DRC9: variants seen among roughly 807,000 people sequenced by gnomAD.
DRC9 encodes the protein dynein regulatory complex protein 9.
the DRC9 span, chr3:197,892,580 TA>T: frequency 6.2e-7 from 1 of 1,603,126 alleles, no homozygotes; most frequent in Admixed American, 1.7e-5. Context: ...GTGAGCACCC[TA>T]ATTCCTTTCA....
chr3:197,926,040 C>T, the DRC9 span: 6 of 1,583,352 alleles, frequency 3.8e-6, no homozygotes, highest in Non-Finnish European at 5.2e-6. Flanking sequence ...TTCAAATTGC[C>T]ATTCCTTTTT....
chr3:197,944,052 C>G, the DRC9 span: 1 of 1,608,322 alleles, frequency 6.2e-7, no homozygotes, highest in East Asian at 2.2e-5. Context: ...CAGGCTGTCT[C>G]TAAGGAAAGA....
At chr3:197,892,391 C>T in the DRC9 span, among the ~76,000 whole-genome samples, 14 of 152,178 alleles carry the variant, frequency 9.2e-5, no homozygotes, top group Admixed American at 8.5e-4. Context: ...CAGCTGTCCC[C>T]GTCAGCAGCA....
the DRC9 span, among the ~76,000 whole-genome samples, chr3:197,928,581 C>A: frequency 2.0e-5 from 3 of 152,202 alleles, no homozygotes; most frequent in South Asian, 6.2e-4. Flanking sequence ...AACTCCTGAC[C>A]TCAAATGATC....
At chr3:197,938,701 G>A in the DRC9 span, 8 of 1,613,988 alleles carry the variant, frequency 5.0e-6, no homozygotes, top group Middle Eastern at 1.6e-4. Flanking sequence ...AGTTATTAAC[G>A]GACTGGGTAT....
chr3:197,934,085 G>A, the DRC9 span, among the ~76,000 whole-genome samples: 1 of 148,322 alleles, frequency 6.7e-6, no homozygotes, highest in Non-Finnish European at 1.5e-5. Flanking sequence ...TGCATCTATT[G>A]ATCTTTCTAT....
At chr3:197,920,858 T>C in the DRC9 span, among the ~76,000 whole-genome samples, 1 of 152,198 alleles carries the variant, frequency 6.6e-6, no homozygotes, top group African/African-American at 2.4e-5. Context: ...CTCTTTCTTT[T>C]TGCTGAGTAT....
chr3:197,896,324 C>A, the DRC9 span, among the ~76,000 whole-genome samples: 2 of 150,674 alleles, frequency 1.3e-5, no homozygotes, highest in African/African-American at 2.4e-5. Flanking sequence ...GCCTGGGCAA[C>A]AAGAGCAAAA....
the DRC9 span, among the ~76,000 whole-genome samples, chr3:197,896,060 A>G: frequency 6.7e-6 from 1 of 149,940 alleles, no homozygotes; most frequent in Admixed American, 6.7e-5. Context: ...AAAAAAAAAA[A>G]GGCTGGGCGC....
chr3:197,927,692 G>C, the DRC9 span, among the ~76,000 whole-genome samples: 3,985 of 152,212 alleles, frequency 0.026, 79 homozygotes, highest in Non-Finnish European at 0.037. Flanking sequence ...CCAAGGAAAG[G>C]TTTATTGAAA....
the DRC9 span, among the ~76,000 whole-genome samples, chr3:197,910,887 G>T: frequency 1.3e-5 from 2 of 151,372 alleles, no homozygotes; most frequent in South Asian, 4.2e-4. Context: ...CAGGCGAATC[G>T]CTTGAGCCCA....
the DRC9 span, chr3:197,913,082 T>A: frequency 4.0e-6 from 1 of 247,988 alleles, no homozygotes. Flanking sequence ...GACGTGGCCT[T>A]GAGCCACGTC....
chr3:197,892,637 C>T, the DRC9 span: 99 of 1,601,640 alleles, frequency 6.2e-5, no homozygotes, highest in South Asian at 6.7e-4. Flanking sequence ...CCATCTTTGC[C>T]AGGTCTTGAA....
chr3:197,901,001 T>C, the DRC9 span, among the ~76,000 whole-genome samples: 2 of 152,062 alleles, frequency 1.3e-5, no homozygotes, highest in South Asian at 2.1e-4. This position sits in a 1 kb window ranked among gnomAD's most constrained non-coding sequence, Gnocchi z 4.4. Flanking sequence ...TTCGAAGACA[T>C]GGTAGTGGCT....
the DRC9 span, chr3:197,932,383 C>T: frequency 1.4e-5 from 16 of 1,181,830 alleles, no homozygotes; most frequent in Non-Finnish European, 1.6e-5. Flanking sequence ...CCCTGTAATC[C>T]CAGCACTTTG....
chr3:197,955,712 A>G, the DRC9 span: 76 of 1,543,314 alleles, frequency 4.9e-5, 2 homozygotes, highest in South Asian at 8.2e-4. Context: ...CGTATATATA[A>G]CATTCACCTA....
the DRC9 span, chr3:197,889,256 C>A: frequency 3.6e-6 from 1 of 276,000 alleles, no homozygotes; most frequent in Non-Finnish European, 6.9e-6. Flanking sequence ...AGTTTCAATG[C>A]GTCACTGTAG....
chr3:197,912,162 T>A, the DRC9 span, among the ~76,000 whole-genome samples: 1 of 151,926 alleles, frequency 6.6e-6, no homozygotes, highest in Non-Finnish European at 1.5e-5. Context: ...CACCTCAGCC[T>A]CCTGAATAGC....
the DRC9 span, chr3:197,943,696 G>T: frequency 8.7e-7 from 1 of 1,155,022 alleles, no homozygotes; most frequent in Non-Finnish European, 1.2e-6. Context: ...AGAAAAATAA[G>T]TACATTTAAT....
Sources: allele counts gnomAD v4.1 joint callset (sites outside exome capture counted in the v4.1 genomes callset), GRCh38; gene constraint gnomAD v4.1.1; non-coding constraint Gnocchi (gnomAD v3.1); transcripts MANE v1.5; gene names NCBI Gene and HGNC (gene_info 2026-07-23, HGNC 2026-07-21).